Variants in PHACTR2 observed in about 807,000 individuals in gnomAD.
The protein encoded by PHACTR2 is phosphatase and actin regulator 2, also known as chromosome 6 open reading frame 56.
A neutral mutation model predicts 76.0 loss-of-function variants in PHACTR2; 30 were observed. The observed-to-expected ratio is 0.39, with a 90% confidence interval of 0.30 to 0.54. PHACTR2 has a LOEUF of 0.54. Among genes scored for constraint, PHACTR2 ranks in the 20% least tolerant of loss-of-function variants. The pLI is 0.61. For synonymous variants in PHACTR2, 292 were observed against 292.5 expected, an observed-to-expected ratio of 1.00 and a Z score of 0.02; for missense variants, 696 against 781.1, an observed-to-expected ratio of 0.89 and a Z score of 1.30.
At chr6:143,686,749 T>C (rs886639888) in intron 1 of PHACTR2, among the ~76,000 whole-genome samples, 1 of 152,068 alleles carries the variant, frequency 6.6e-6, no homozygotes, top group Admixed American at 6.6e-5. Context: ...CCTCCCAAAG[T>C]GCTGGGATTA....
Position 143,611,297 on chromosome 6 carries a change from A to T in PHACTR2, c.13+2975A>T, listed in dbSNP as rs1053338978. 2.6e-5 allele frequency among the ~76,000 whole-genome samples: 4 copies of T among 152,168 alleles called. No individual in the cohort carries two copies. The highest frequency in any genetic ancestry group is 5.9e-5 in the Non-Finnish European group (4 of 68,018). On this transcript the variant is annotated intron_variant, in intron 1 of 11. Transcript: ENST00000305766. This position sits in a 1 kb window ranked among gnomAD's most constrained non-coding sequence, Gnocchi z 4.4. ...AGCTGCTGAGAGCCCCTGCGCCTTC[A>T]CCGTGCATTCTAGCTCAGTGGTTCA...
chr6:143,818,415 A>G lies in PHACTR2; in HGVS notation c.1923-5259A>G, dbSNP rs1410958040. On this transcript the variant is annotated intron_variant, in intron 12 of 12. Transcript: ENST00000440869. The surrounding 1 kb of genome is among the most constrained non-coding windows in gnomAD (Gnocchi z 4.9). ...CACATCTGTACAAAGATGATATAGGAGTACTTTCATCGTAAGATTGTTTTG... is the reference window on the plus strand; with the variant it reads ...CACATCTGTACAAAGATGATATAGGGGTACTTTCATCGTAAGATTGTTTTG... 2.6e-5 allele frequency among the ~76,000 whole-genome samples: 4 copies of G among 152,238 alleles called. No individual in the cohort carries two copies. Among genetic ancestry groups the G allele is most frequent in the African/African-American group, 9.6e-5 (4 of 41,464 alleles).
chr6:143,625,842 T>A lies in PHACTR2; in HGVS notation c.13+17520T>A, dbSNP rs1360528232. Among the ~76,000 whole-genome samples, 1 of 152,178 alleles carries A rather than the reference T, an allele frequency of 6.6e-6. No homozygotes were observed. Among genetic ancestry groups the A allele is most frequent in the Non-Finnish European group, 1.5e-5 (1 of 68,036 alleles). ...CAGTGACCAGATCAACAAGTAAATG[T>A]ATGATAAAATGCCAGGAAGTGGTAA... On this transcript the variant is annotated intron_variant, in intron 1 of 11. Transcript: ENST00000305766. The surrounding 1 kb of genome is among the most constrained non-coding windows in gnomAD (Gnocchi z 4.3).
chr6:143,587,013 G>A (rs957121932), intron 1 of PHACTR2, among the ~76,000 whole-genome samples: 2 of 152,086 alleles, frequency 1.3e-5, no homozygotes, highest in Non-Finnish European at 2.9e-5. Context: ...TAATTGTGTC[G>A]AAAGCCTGTT....
At chr6:143,718,213 T>C (rs1450698709) in intron 2 of PHACTR2, among the ~76,000 whole-genome samples, 1 of 152,212 alleles carries the variant, frequency 6.6e-6, no homozygotes, top group Non-Finnish European at 1.5e-5. Context: ...TAATAATGGC[T>C]AATTTTTATT....
At chr6:143,686,054 C>T (rs1415150557) in intron 1 of PHACTR2, among the ~76,000 whole-genome samples, 1 of 151,314 alleles carries the variant, frequency 6.6e-6, no homozygotes, top group East Asian at 1.9e-4. Context: ...ATTGCTTGAA[C>T]TCGGGAGGCG....
intron 1 of PHACTR2, among the ~76,000 whole-genome samples, chr6:143,628,947 A>AAATGCAG (rs1190592001): frequency 2.1e-5 from 1 of 47,746 alleles, no homozygotes; most frequent in African/African-American, 7.1e-5. Context: ...ATATATATAT[A>AAATGCAG]TATATATATA....
Position 143,793,820 on chromosome 6 carries a change from GGTGGGAGAATT to G in PHACTR2, c.1845+4912_1845+4922del, listed in dbSNP as rs1775769491. Among the ~76,000 whole-genome samples, 1 of 152,102 alleles carries G rather than the reference GGTGGGAGAATT, an allele frequency of 6.6e-6. No homozygotes were observed. The highest frequency in any genetic ancestry group is 2.4e-5 in the African/African-American group (1 of 41,414). The stretch of plus-strand genomic sequence containing the variant: ...TAGTCCCAGCTACTCGGGAAGCTGA[GGTGGGAGAATT>G]GCTTGAGCCCAGGAGCAGGAGGCTG... On this transcript the variant is annotated intron_variant, in intron 11 of 12. Transcript: ENST00000440869. The surrounding 1 kb of genome is among the most constrained non-coding windows in gnomAD (Gnocchi z 4.4).
Position 143,765,781 on chromosome 6 carries a change from C to T in PHACTR2, c.1215C>T (p.Asn405=). The T allele has an allele frequency of 6.2e-7, 1 of 1,608,712 alleles. No homozygotes were observed. Among genetic ancestry groups the T allele is most frequent in the Non-Finnish European group, 8.5e-7 (1 of 1,175,712 alleles). Reference sequence around the variant, plus strand: ...ACTCAGGCACTGGCTTAAGTGTTAACAGAGAAAATGCAAAATGGTGAGTTG... The same window carrying T: ...ACTCAGGCACTGGCTTAAGTGTTAATAGAGAAAATGCAAAATGGTGAGTTG... ...TLYSGTGLSV[N]RENAKCFTTK... is the part of the protein sequence containing the mutation. Residue 405 remains asparagine, a synonymous_variant, in exon 6 of 13, where the codon AAC becomes AAT. Coordinates refer to ENST00000440869, the MANE Select transcript of PHACTR2 (RefSeq NM_001100164.2). The surrounding 1 kb of genome is among the most constrained non-coding windows in gnomAD (Gnocchi z 4.1).
chr6:143,659,292 T>A lies in PHACTR2; in HGVS notation c.13+50970T>A, dbSNP rs1364613778. ...TACTTTATAAACTTTAAAAATTTTTTAAACTTTTTTACTGTTTTGTAGCAA... is the reference window on the plus strand; with the variant it reads ...TACTTTATAAACTTTAAAAATTTTTAAAACTTTTTTACTGTTTTGTAGCAA... On this transcript the variant is annotated intron_variant, in intron 1 of 11. Transcript: ENST00000305766. The surrounding 1 kb of genome is among the most constrained non-coding windows in gnomAD (Gnocchi z 5.0). Among the ~76,000 whole-genome samples the A allele has an allele frequency of 2.0e-5, 3 of 152,228 alleles. No individual in the cohort carries two copies. The highest frequency in any genetic ancestry group is 2.9e-5 in the Non-Finnish European group (2 of 68,040).
rs1312146590 is a variant in PHACTR2 at position 143,596,100 on chromosome 6, T to C, written c.217+58893T>C. Among the ~76,000 whole-genome samples, 2 of 152,232 alleles carry C rather than the reference T, an allele frequency of 1.3e-5. No homozygotes were observed. The highest frequency in any genetic ancestry group is 2.4e-5 in the African/African-American group (1 of 41,448). On this transcript the variant is annotated intron_variant, in intron 1 of 11. Coordinates refer to the PHACTR2 transcript ENST00000367584. This position sits in a 1 kb window ranked among gnomAD's most constrained non-coding sequence, Gnocchi z 4.6. ...GATAATTTACTAATCATTATGCTTA[T>C]TAAGTAATTTAACTATCTCAAATGA...
chr6:143,715,109 C>T (rs191359174), intron 2 of PHACTR2, among the ~76,000 whole-genome samples: 9 of 152,138 alleles, frequency 5.9e-5, no homozygotes, highest in African/African-American at 1.7e-4. Context: ...ATCTCTGTGT[C>T]CTGTATTCAC....
chr6:143,735,957 A>G (rs1249208961), intron 2 of PHACTR2, among the ~76,000 whole-genome samples: 2 of 152,216 alleles, frequency 1.3e-5, no homozygotes, highest in Non-Finnish European at 2.9e-5. Context: ...TAGGAAAAAG[A>G]TATGTGGGTA....
At chr6:143,677,751 T>C (rs1239367878), upstream of PHACTR2, among the ~76,000 whole-genome samples, 2 of 152,226 alleles carry the variant, frequency 1.3e-5, no homozygotes, top group African/African-American at 4.8e-5. Context: ...CATTTGACTT[T>C]GAACCTTTTA....
chr6:143,604,652 C>T (rs990793594), upstream of PHACTR2, among the ~76,000 whole-genome samples: 14 of 152,044 alleles, frequency 9.2e-5, no homozygotes, highest in Non-Finnish European at 1.6e-4. Flanking sequence ...GAGGCAGAGG[C>T]GGGTGGATCA....
chr6:143,690,540 G>C (rs1441800713), intron 1 of PHACTR2, among the ~76,000 whole-genome samples: 1 of 152,172 alleles, frequency 6.6e-6, no homozygotes, highest in Non-Finnish European at 1.5e-5. Context: ...ATGCTTGGTC[G>C]AGAGCTTGGC....
intron 1 of PHACTR2, among the ~76,000 whole-genome samples, chr6:143,638,535 C>A (rs977813208): frequency 6.9e-6 from 1 of 145,118 alleles, no homozygotes; most frequent in Non-Finnish European, 1.5e-5. Flanking sequence ...CAGAGCAAGA[C>A]CTTGTCTCAA....
At chr6:143,544,441 G>A (rs1292556288) in intron 1 of PHACTR2, among the ~76,000 whole-genome samples, 1 of 152,018 alleles carries the variant, frequency 6.6e-6, no homozygotes, top group Non-Finnish European at 1.5e-5. Context: ...GTAATCTTAG[G>A]ACAGATTGAC....
rs1444936308 is a variant in PHACTR2 at position 143,730,364 on chromosome 6, AGTTT to A, written c.214+18182_214+18185del. On this transcript the variant is annotated intron_variant, in intron 2 of 12. Coordinates refer to ENST00000440869, the MANE Select transcript of PHACTR2 (RefSeq NM_001100164.2). The surrounding 1 kb of genome is among the most constrained non-coding windows in gnomAD (Gnocchi z 4.8). ...TTTCCATTTTTTTATTAGCTTTTGA[AGTTT>A]TTAGAAAACAGTTAATAAGTTTATA... Among the ~76,000 whole-genome samples, 1 of 151,988 alleles carries A rather than the reference AGTTT, an allele frequency of 6.6e-6. No homozygotes were observed. The highest frequency in any genetic ancestry group is 1.5e-5 in the Non-Finnish European group (1 of 67,960).
Sources: allele counts gnomAD v4.1 joint callset (sites outside exome capture counted in the v4.1 genomes callset), GRCh38; gene constraint gnomAD v4.1.1; non-coding constraint Gnocchi (gnomAD v3.1); transcripts MANE v1.5; gene names NCBI Gene and HGNC (gene_info 2026-07-23, HGNC 2026-07-21).